FLNA: variants seen among roughly 807,000 people sequenced by gnomAD.
The protein encoded by FLNA is filamin A.
FLNA carries 7 observed loss-of-function variants against 157.6 expected under a neutral mutation model. The observed-to-expected ratio is 0.04, with a 90% CI of 0.03 to 0.08. FLNA has a LOEUF of 0.08. FLNA is among the 10% of genes least tolerant of loss of function. The probability of loss-of-function intolerance (pLI) is 1.00; values close to 1 mark genes in which losing one functional copy is unlikely to be tolerated. For synonymous variants in FLNA, 1,103 were observed against 1,060.8 expected, an observed-to-expected ratio of 1.04 and a Z score of -0.77; for missense variants, 1,750 against 2,398.4, an observed-to-expected ratio of 0.73 and a Z score of 5.65.
Position 154,366,838 on chromosome X carries a change from G to A in FLNA, c.881C>T (p.Thr294Ile), listed in dbSNP as rs2067766053. 8.3e-7 allele frequency: 1 copy of A among 1,209,714 alleles called. No homozygotes were observed. Among genetic ancestry groups the A allele is most frequent in the East Asian group, 3.0e-5 (1 of 33,867 alleles). ...TGCCCGCTTCTTCACCATGTTGCCT[G>A]TGGGCTCGATGCCTGGCAGGGGAAG... Reference protein sequence around the residue: ...ARAYGPGIEPTGNMVKKRAEF... With the variant: ...ARAYGPGIEPIGNMVKKRAEF... Residue 294 changes from threonine to isoleucine, a missense_variant, in exon 6 of 48, where the codon ACA becomes ATA. Around this residue, in one of 5 missense-constraint regions of FLNA, gnomAD observed 71 missense variants for 239.5 expected, o/e 0.30. Coordinates refer to ENST00000369850, the MANE Select transcript of FLNA (RefSeq NM_001110556.2).
rs1557179351 is a variant in FLNA, at chrX:154,366,604, G to A, written c.1023C>T (p.Thr341=). The part of the protein sequence containing the change: ...KVTANNDKNR[T]FSVWYVPEVT... ...CCTCGGGGACGTACCAGACGGAGAAGGTGCGGTTCTTGTCGTTATTGGCGG... is the reference window on the plus strand; with the variant it reads ...CCTCGGGGACGTACCAGACGGAGAAAGTGCGGTTCTTGTCGTTATTGGCGG... Residue 341 remains threonine (T), a synonymous_variant, in exon 7 of 48, where the codon ACC becomes ACT. Coordinates refer to ENST00000369850, the MANE Select transcript of FLNA (RefSeq NM_001110556.2). The A allele has an allele frequency of 8.2e-7, 1 of 1,212,150 alleles. No homozygotes were observed. The highest frequency in any genetic ancestry group is 1.8e-5 in the South Asian group (1 of 57,049).
Position 154,352,028 on chromosome X carries a change from G to A in FLNA, c.6770-7C>T. The A allele has an allele frequency of 8.3e-7, 1 of 1,211,593 alleles. No individual in the cohort carries two copies. The highest frequency in any genetic ancestry group is 1.1e-6 in the Non-Finnish European group (1 of 895,593). ...GTCCAGATACTGAATTCGGCTGTGGGAGAACAGTTTGTCCTCACTGAAGGC... is the reference window on the plus strand; with the variant it reads ...GTCCAGATACTGAATTCGGCTGTGGAAGAACAGTTTGTCCTCACTGAAGGC... On this transcript the variant is annotated splice_region_variant and splice_polypyrimidine_tract_variant and intron_variant, in intron 41 of 47. Transcript: ENST00000369850.
intron 42 of FLNA, 27 bp from the exon 43 acceptor site, chrX:154,351,723 G>A: frequency 8.8e-7 from 1 of 1,136,610 alleles, no homozygotes; most frequent in South Asian, 1.8e-5. Flanking sequence ...TGTAAGACCG[G>A]CTCATCAGCC....
At position 154,371,329 on chromosome X, in the gene FLNA, G is replaced by A. The variant is rs2067806408; in HGVS notation, c.-84C>T. On this transcript the variant is annotated 5_prime_UTR_variant, in exon 2 of 48. Coordinates refer to ENST00000369850, the MANE Select transcript of FLNA (RefSeq NM_001110556.2). ...TAATTAAAGTCGCAGGCACCTAGGC[G>A]CGCGGGAGGCGAGGCAGGGAGCAGA... 9.1e-7 allele frequency: 1 copy of A among 1,102,823 alleles called. No individual in the cohort carries two copies. Among genetic ancestry groups the A allele is most frequent in the Non-Finnish European group, 1.2e-6 (1 of 823,730 alleles). The allele number at this position is 1,102,823 out of a possible 1,213,427, so 90.9% of individuals were successfully genotyped here.
chrX:154,351,775 T>C lies in FLNA; in HGVS notation c.6908-79A>G, dbSNP rs781876201. 7.7e-5 allele frequency: 88 copies of C among 1,138,243 alleles called. No homozygotes were observed. In the African/African-American group the frequency reaches 1.4e-3, roughly 19 times the overall value. 93.8% of individuals were successfully genotyped at this position (1,138,243 alleles called of 1,213,427 possible). On this transcript the variant is annotated intron_variant, in intron 42 of 47. Coordinates refer to ENST00000369850, the MANE Select transcript of FLNA (RefSeq NM_001110556.2). ...CCCACGAACAGCCTGGGTGGCCCTG[T>C]GACCTCAAAGTGAAGAGTGAGTGCC...
At position 154,361,439 on chromosome X, in the gene FLNA, C is replaced by A; in HGVS notation, c.3076G>T (p.Ala1026Ser). ...VPCKVEPGLG[A>S]DNSVVRFLPR... ...AGGAAGCGCACCACACTGTTGTCAG[C>A]CCCCAGGCCTGGCTCCACCTTGCAG... Residue 1026 changes from alanine (A) to serine (S), a missense_variant, in exon 21 of 48, where the codon GCT becomes TCT. By Grantham distance (99) the Ala-to-Ser change is moderately conservative (BLOSUM62 1). This residue lies in a region of FLNA where 648 missense variants were observed against 805.8 expected (regional missense o/e 0.80). Coordinates refer to ENST00000369850, the MANE Select transcript of FLNA (RefSeq NM_001110556.2). 8.3e-7 allele frequency: 1 copy of A among 1,211,346 alleles called. No individual in the cohort carries two copies. Among genetic ancestry groups the A allele is most frequent in the Non-Finnish European group, 1.1e-6 (1 of 895,457 alleles).
chrX:154,359,187 T>G (rs1557177429), intron 25 of FLNA, 33 bp from the exon 26 acceptor site: 1 of 1,209,613 alleles, frequency 8.3e-7, no homozygotes, highest in Non-Finnish European at 1.1e-6. Flanking sequence ...GGCGGCTGTA[T>G]GAGACAGGGT....
In FLNA at chrX:154,362,564, C is replaced by T. The variant is rs781939268; in HGVS notation, c.2419G>A (p.Gly807Ser). ...AEAGQGDVSI[G>S]IKCAPGVVGP... ...ACCACTCCAGGGGCACACTTGATGC[C>T]GATGCTGACGTCCCCTGCGGCGGGG... The change falls in exon 17 of 48, where the codon GGC becomes AGC. Residue 807 changes from glycine (G) to serine (S), a missense_variant. By Grantham distance (56) the Gly-to-Ser change is moderately conservative (BLOSUM62 0). Transcript: ENST00000369850. 4 of 1,209,857 alleles carry T rather than the reference C, an allele frequency of 3.3e-6. No individual in the cohort carries two copies. Among genetic ancestry groups the T allele is most frequent in the South Asian group, 1.8e-5 (1 of 56,907 alleles).
At position 154,360,579 on chromosome X, in the gene FLNA, C is replaced by T. The variant is rs782006734; in HGVS notation, c.3216G>A (p.Ala1072=). Residue 1072 remains alanine, a synonymous_variant, in exon 22 of 48, where the codon GCG becomes GCA. Coordinates refer to ENST00000369850, the MANE Select transcript of FLNA (RefSeq NM_001110556.2). ...VAPTKPSKVK[A]FGPGLQGGSA... is the part of the protein sequence containing the mutation. ...TGCCTCCCTGCAGCCCCGGCCCAAACGCCTTCACCTGAGGGAAGAAGGGGT... is the reference window on the plus strand; with the variant it reads ...TGCCTCCCTGCAGCCCCGGCCCAAATGCCTTCACCTGAGGGAAGAAGGGGT... 1.8e-5 allele frequency: 22 copies of T among 1,203,074 alleles called. No individual in the cohort carries two copies. The Admixed American group carries it at 3.1e-4, about 17-fold the overall frequency.
In FLNA at chrX:154,352,373, C is replaced by A; in HGVS notation, c.6577G>T (p.Gly2193Trp). The stretch of plus-strand genomic sequence containing the variant: ...CGGATGCAGTAGGTGTGGTTCTCCC[C>A]TTCCACGATCTCGGCCTCATGGGTC... ...GKTHEAEIVE[G>W]ENHTYCIRFV... is the part of the protein sequence containing the mutation. The change falls in exon 41 of 48, where the codon GGG becomes TGG. Residue 2193 changes from glycine to tryptophan, a missense_variant. Around this residue, in one of 5 missense-constraint regions of FLNA, gnomAD observed 970 missense variants for 1,302.6 expected, o/e 0.74. Transcript: ENST00000369850. The A allele has an allele frequency of 8.3e-7, 1 of 1,212,067 alleles. No individual in the cohort carries two copies. Among genetic ancestry groups the A allele is most frequent in the Non-Finnish European group, 1.1e-6 (1 of 895,580 alleles).
rs782313822 is a variant in FLNA at position 154,361,679 on chromosome X, G to C, written c.2935C>G (p.Leu979Val). 1 of 1,209,431 alleles carries C rather than the reference G, an allele frequency of 8.3e-7. No homozygotes were observed. The highest frequency in any genetic ancestry group is 1.8e-5 in the South Asian group (1 of 56,931). Residue 979 changes from leucine (L) to valine (V), a missense_variant, in exon 20 of 48, where the codon CTG (leucine) becomes GTG (valine). Leu to Val is a conservative substitution (Grantham distance 32). This residue lies in a region of FLNA where 648 missense variants were observed against 805.8 expected (regional missense o/e 0.80). Coordinates refer to ENST00000369850, the MANE Select transcript of FLNA (RefSeq NM_001110556.2). The stretch of plus-strand genomic sequence containing the variant: ...GGCCCCAACTACTTACTCTCTCCCA[G>C]GCCAGACACCTTGATCTTGCTGAGG... ...LDLSKIKVSG[L>V]GEKVDVGKDQ...
At position 154,374,610 on chromosome X, in the gene FLNA, C is replaced by A; in HGVS notation, c.-221G>T. The stretch of plus-strand genomic sequence containing the variant: ...GCGCCTCGGGGATTCTGTCGGCGTC[C>A]GCTGCGCGCGACGCGCCTCCACGCG... On this transcript the variant is annotated 5_prime_UTR_variant, in exon 1 of 48. Transcript: ENST00000369850. The A allele has an allele frequency of 8.8e-6, 1 of 113,484 alleles. No homozygotes were observed. The highest frequency in any genetic ancestry group is 2.8e-4 in the South Asian group (1 of 3,513). 9.4% of individuals were successfully genotyped at this position (113,484 alleles called of 1,213,427 possible).
intron 47 of FLNA, 78 bp from the exon 48 acceptor site, chrX:154,349,114 T>C: frequency 9.7e-7 from 1 of 1,030,161 alleles, no homozygotes; most frequent in Non-Finnish European, 1.3e-6. Flanking sequence ...CTCCTGTCCC[T>C]AAGCCAGTTC....
At chrX:154,351,429 A>G in intron 43 of FLNA, 152 bp downstream of exon 43, 2 of 462,986 alleles carry the variant, frequency 4.3e-6, no homozygotes, top group South Asian at 6.3e-5. Context: ...GCCGACCCCA[A>G]GCGTGGGCTG....
At chrX:154,352,052 G>T in intron 41 of FLNA, 31 bp from the exon 42 acceptor site, 1 of 1,211,154 alleles carries the variant, frequency 8.3e-7, no homozygotes, top group Non-Finnish European at 1.1e-6. Context: ...CTCACTGAAG[G>T]CTGCTTCACC....
chrX:154,348,791 G>T lies in FLNA; in HGVS notation c.*58C>A, dbSNP rs2067594227. The T allele has an allele frequency of 2.4e-5, 26 of 1,103,162 alleles. No homozygotes were observed. The highest frequency in any genetic ancestry group is 4.9e-6 in the Non-Finnish European group (4 of 811,511). 90.9% of individuals were successfully genotyped at this position (1,103,162 alleles called of 1,213,427 possible). ...GGGCCGGGGTTGAGGGGAAGAGGGC[G>T]GGGCTGCTTGGGTAGCGGGGCAGGC... On this transcript the variant is annotated 3_prime_UTR_variant, in exon 48 of 48. Transcript: ENST00000369850.
Position 154,360,456 on chromosome X carries a change from C to G in FLNA, c.3339G>C (p.Glu1113Asp). 1 of 1,211,673 alleles carries G rather than the reference C, an allele frequency of 8.3e-7. No individual in the cohort carries two copies. Among genetic ancestry groups the G allele is most frequent in the Non-Finnish European group, 1.1e-6 (1 of 895,599 alleles). Residue 1113 changes from glutamate (E) to aspartate (D), a missense_variant, in exon 22 of 48, where the codon GAG (glutamate) becomes GAC (aspartate). Glu to Asp is a conservative substitution (Grantham distance 45, BLOSUM62 2). This residue lies in a region of FLNA where 648 missense variants were observed against 805.8 expected (regional missense o/e 0.80). Transcript: ENST00000369850. ...ATGTGCCATCCCCATTGTCCAAGCACTCGAGCTGCGCCTCACAGGGGCCCT... is the reference window on the plus strand; with the variant it reads ...ATGTGCCATCCCCATTGTCCAAGCAGTCGAGCTGCGCCTCACAGGGGCCCT... Reference protein sequence around the residue: ...TVEGPCEAQLECLDNGDGTCS... With the variant: ...TVEGPCEAQLDCLDNGDGTCS...
chrX:154,370,799 G>C, intron 2 of FLNA, 74 bp downstream of exon 2: 2 of 1,106,561 alleles, frequency 1.8e-6, no homozygotes, highest in Non-Finnish European at 2.5e-6. Flanking sequence ...GGTTTGGAGG[G>C]GTCCGCCCGG....
intron 2 of FLNA, among the ~76,000 whole-genome samples, chrX:154,369,028 G>A (rs970957606): frequency 1.8e-5 from 2 of 112,905 alleles, no homozygotes; most frequent in African/African-American, 6.4e-5. Context: ...CTCAAGGCAG[G>A]ATGGCTCATC....
Sources: gnomAD v4.1 joint callset for allele counts (sites outside exome capture counted in the v4.1 genomes callset) on GRCh38, gnomAD v4.1.1 for gene constraint, gnomAD v4.1.1 regional missense constraint, MANE v1.5 for transcripts, NCBI Gene and HGNC (gene_info 2026-07-23, HGNC 2026-07-21) for gene names.